MXD3: variants seen among roughly 807,000 people sequenced by gnomAD.
The protein encoded by MXD3 is Max-associated protein 3.
MXD3 carries 20 observed loss-of-function variants against 27.5 expected under a neutral mutation model. The observed-to-expected ratio is 0.73, with a 90% confidence interval of 0.51 to 1.06. The LOEUF (loss-of-function observed/expected upper bound fraction) is 1.06. Ranked by LOEUF, MXD3 falls within the 50% of genes least tolerant of loss-of-function variation. MXD3 has a pLI of 0.00. For missense variants in MXD3, 298 were observed against 291.3 expected, an observed-to-expected ratio of 1.02 and a Z score of -0.17; for synonymous variants, 150 against 130.7, an observed-to-expected ratio of 1.15 and a Z score of -1.01.
chr5:177,305,790 GAA>G, downstream of MXD3: 4 of 1,202,096 alleles, frequency 3.3e-6, no homozygotes, highest in Non-Finnish European at 4.9e-6. Flanking sequence ...TTCGCCTCAT[GAA>G]AAGTGACAGG....
At chr5:177,307,749 G>T (rs1270914573) in intron 5 of MXD3, 32 bp downstream of exon 5, 2 of 1,613,064 alleles carry the variant, frequency 1.2e-6, no homozygotes, top group Non-Finnish European at 1.7e-6. Flanking sequence ...CGCCCCGAGG[G>T]CCACACAACC....
downstream of MXD3, chr5:177,306,643 C>T (rs1395993586): frequency 6.5e-7 from 1 of 1,532,660 alleles, no homozygotes; most frequent in Admixed American, 2.0e-5. Flanking sequence ...TGTACTTTAT[C>T]ATTAAAAATC....
At position 177,307,270 on chromosome 5, in the gene MXD3, C is replaced by T. The variant is rs1260645933; in HGVS notation, c.*318G>A. On this transcript the variant is annotated 3_prime_UTR_variant, in exon 6 of 6. Transcript: ENST00000439742. The stretch of plus-strand genomic sequence containing the variant: ...TTTATGTGAGGCAAAGGCAGGGGGC[C>T]TTGTCCAGGAAGGGAAGAGGCCCAA... 1.3e-5 allele frequency: 20 copies of T among 1,551,442 alleles called. No homozygotes were observed. The highest frequency in any genetic ancestry group is 1.7e-5 in the Non-Finnish European group (20 of 1,146,926).
chr5:177,306,686 G>A (rs1760887155), downstream of MXD3: 3 of 1,429,766 alleles, frequency 2.1e-6, no homozygotes, highest in Non-Finnish European at 2.8e-6. Context: ...CTACGTGGTG[G>A]GTTGTGGGGA....
At chr5:177,305,666 TAA>T, downstream of MXD3, 1 of 581,846 alleles carries the variant, frequency 1.7e-6, no homozygotes, top group Non-Finnish European at 3.1e-6. Context: ...CCTTCTAGTT[TAA>T]GAGTCAGAAG....
rs1305965337 is a variant in MXD3, at chr5:177,307,442, TG to T, written c.*145del. 3 of 1,518,536 alleles carry T rather than the reference TG, an allele frequency of 2.0e-6. No homozygotes were observed. In the Admixed American group the frequency reaches 5.9e-5, roughly 30 times the overall value. 94.1% of individuals were successfully genotyped at this position (1,518,536 alleles called of 1,614,324 possible). A position where few individuals can be genotyped will look rare whatever the true frequency, so the allele number is the denominator to read the frequency against. ...GCCTGGCAGCCAGCAGCAGGGTGTT[TG>T]GGGAGCACCTGTTCCCACACAAGGG... On this transcript the variant is annotated 3_prime_UTR_variant, in exon 6 of 6. Transcript: ENST00000439742.
downstream of MXD3, chr5:177,305,844 C>T (rs770088867): frequency 4.4e-5 from 70 of 1,593,130 alleles, no homozygotes; most frequent in East Asian, 1.6e-3. Context: ...AAAGACTGTT[C>T]CACGATTGTG....
In MXD3 at chr5:177,311,023, G is replaced by A. The variant is rs577605384; in HGVS notation, c.177-326C>T. The A allele has an allele frequency of 7.2e-5, 41 of 566,260 alleles. No individual in the cohort carries two copies. In the Admixed American group the frequency reaches 9.3e-4, roughly 13 times the overall value. The allele number at this position is 566,260 out of a possible 1,614,324, so 35.1% of individuals were successfully genotyped here. On this transcript the variant is annotated intron_variant, in intron 2 of 5. Coordinates refer to ENST00000439742, the MANE Select transcript of MXD3 (RefSeq NM_031300.4). The stretch of plus-strand genomic sequence containing the variant: ...TCCCAAGCCGGTACTGGAGGGAGGG[G>A]CATTCAAATAGGAGGGAACAGCATA...
chr5:177,310,880 G>T, intron 2 of MXD3, 183 bp from the exon 3 acceptor site: 1 of 674,252 alleles, frequency 1.5e-6, no homozygotes. Flanking sequence ...AAAGACACAC[G>T]GAGCCAAATG....
chr5:177,312,632 G>T, upstream of MXD3: 4 of 985,438 alleles, frequency 4.1e-6, no homozygotes, highest in Non-Finnish European at 4.8e-6. Context: ...CTACTGTGTC[G>T]AATGGGAATA....
At chr5:177,309,646 C>T (rs1267430521) in intron 4 of MXD3, among the ~76,000 whole-genome samples, 3 of 152,268 alleles carry the variant, frequency 2.0e-5, no homozygotes, top group African/African-American at 7.2e-5. Flanking sequence ...CTAGCAGAAC[C>T]AGTGCTCAGT....
At chr5:177,312,504 C>T (rs1192108028), upstream of MXD3, 5 of 985,322 alleles carry the variant, frequency 5.1e-6, no homozygotes, top group African/African-American at 7.0e-5. Flanking sequence ...GAGAGGGGAG[C>T]TGGGCCTCAA....
downstream of MXD3, chr5:177,305,656 C>T (rs1306344321): frequency 1.1e-5 from 6 of 567,950 alleles, no homozygotes; most frequent in African/African-American, 1.1e-4. Flanking sequence ...AGACCTTTTG[C>T]CTTCTAGTTT....
intron 2 of MXD3, 152 bp downstream of exon 2, chr5:177,311,227 T>C (rs925907602): frequency 9.4e-6 from 5 of 531,948 alleles, no homozygotes; most frequent in Non-Finnish European, 1.6e-5. Context: ...GTGAGTGTGT[T>C]TGGAGAGTGG....
chr5:177,307,600 G>A lies in MXD3; in HGVS notation c.609C>T (p.Gly203=), dbSNP rs778756672. Residue 203 remains glycine (G), a synonymous_variant, in exon 6 of 6, where the codon GGC becomes GGT. Transcript: ENST00000439742. ...TGGGTGAGGAACATCATAGCCAGGC[G>A]CCGCCGCCGTGCGAGTAGCTGTGCT... is the stretch of plus-strand genomic sequence containing the variant. ...GQEHSYSHGG[G]AWL The A allele has an allele frequency of 1.1e-5, 18 of 1,612,486 alleles. No individual in the cohort carries two copies. The highest frequency in any genetic ancestry group is 4.0e-5 in the African/African-American group (3 of 74,946).
downstream of MXD3, chr5:177,305,626 C>T (rs1760846663): frequency 1.7e-5 from 9 of 519,056 alleles, no homozygotes; most frequent in Non-Finnish European, 3.1e-5. Context: ...CTGGAAGGCC[C>T]TTTGTTGATC....
chr5:177,305,950 CCT>C (rs1760860570), downstream of MXD3: 1 of 1,614,098 alleles, frequency 6.2e-7, no homozygotes, highest in East Asian at 2.2e-5. Context: ...GCCTGGGTCT[CCT>C]CTAGCTTATT....
Position 177,307,479 on chromosome 5 carries a change from C to T in MXD3, c.*109G>A, listed in dbSNP as rs765789116. 16 of 1,541,158 alleles carry T rather than the reference C, an allele frequency of 1.0e-5. No individual in the cohort carries two copies. The South Asian group carries it at 1.7e-4, about 16-fold the overall frequency. On this transcript the variant is annotated 3_prime_UTR_variant, in exon 6 of 6. Coordinates refer to ENST00000439742, the MANE Select transcript of MXD3 (RefSeq NM_031300.4). ...GTTCCCACACAAGGGTCCTTTTAGT[C>T]CATTCCAACAGGTGACTCCGAGCAG...
chr5:177,311,935 CCGCCCCGCCCCCGGGA>C (rs530133604), upstream of MXD3: 55,480 of 1,360,070 alleles, frequency 0.041, 1,344 homozygotes, highest in South Asian at 0.06. Flanking sequence ...ACACAGGGGC[CCGCCCCGCCCCCGGGA>C]CGCCCCGCCC....
Sources: gnomAD v4.1 joint callset for allele counts (sites outside exome capture counted in the v4.1 genomes callset) on GRCh38, gnomAD v4.1.1 for gene constraint, MANE v1.5 for transcripts, NCBI Gene and HGNC (gene_info 2026-07-23, HGNC 2026-07-21) for gene names.